The following AKAP6 variants were observed in gnomAD, a reference collection of about 807,000 sequenced individuals.
AKAP6 encodes A-kinase anchor protein 6.
In AKAP6, 58 loss-of-function variants were observed where a neutral mutation model predicts 188.5. That is an observed-to-expected ratio of 0.31 (90% CI 0.25 to 0.38). The LOEUF (loss-of-function observed/expected upper bound fraction) is 0.38, where lower values mean the gene tolerates loss of function less well. Among genes scored for constraint, AKAP6 ranks in the 10% least tolerant of loss-of-function variants. AKAP6 has a pLI of 1.00. For synonymous variants in AKAP6, 989 were observed against 998.6 expected, an observed-to-expected ratio of 0.99 and a Z score of 0.18; for missense variants, 2,710 against 2,740.0, an observed-to-expected ratio of 0.99 and a Z score of 0.24.
At chr14:32,460,929 C>G (rs1427053746) in intron 2 of AKAP6, among the ~76,000 whole-genome samples, 1 of 152,210 alleles carries the variant, frequency 6.6e-6, no homozygotes, top group Non-Finnish European at 1.5e-5. Context: ...CAGTTTTCCC[C>G]TGACAGTGCT....
chr14:32,446,086 G>T (rs1170320645), intron 2 of AKAP6, among the ~76,000 whole-genome samples: 1 of 152,026 alleles, frequency 6.6e-6, no homozygotes, highest in Non-Finnish European at 1.5e-5. Context: ...AAATTATGTT[G>T]GTTGATAACT....
At chr14:32,574,838 A>C (rs1884650103) in intron 4 of AKAP6, among the ~76,000 whole-genome samples, 1 of 152,212 alleles carries the variant, frequency 6.6e-6, no homozygotes, top group Non-Finnish European at 1.5e-5. Context: ...CAGATGACAG[A>C]CAATACTTCT....
chr14:32,806,928 C>T lies in AKAP6; in HGVS notation c.3589-14474C>T, dbSNP rs868681325. Among the ~76,000 whole-genome samples, 9 of 150,996 alleles carry T rather than the reference C, an allele frequency of 6.0e-5. No individual in the cohort carries two copies. The South Asian group carries it at 8.4e-4, about 14-fold the overall frequency. On this transcript the variant is annotated intron_variant, in intron 12 of 13. Transcript: ENST00000280979. The stretch of plus-strand genomic sequence containing the variant: ...TGTTGGCTGGGCATGGTGGCTCACA[C>T]TTGTAGTCCCAGCTACTTGGGAGGC...
intron 8 of AKAP6, among the ~76,000 whole-genome samples, chr14:32,684,553 G>T (rs755392310): frequency 5.3e-5 from 8 of 152,106 alleles, no homozygotes; most frequent in African/African-American, 9.7e-5. Flanking sequence ...ATTTTTAGGG[G>T]TAAGTCATGC....
chr14:32,393,151 A>G (rs1888765659), intron 1 of AKAP6, among the ~76,000 whole-genome samples: 1 of 152,114 alleles, frequency 6.6e-6, no homozygotes, highest in African/African-American at 2.4e-5. Context: ...TTTATGTTGG[A>G]TAAGCCTGGC....
intron 5 of AKAP6, among the ~76,000 whole-genome samples, chr14:32,578,558 G>A (rs947013015): frequency 6.6e-6 from 1 of 152,084 alleles, no homozygotes; most frequent in African/African-American, 2.4e-5. Flanking sequence ...AAGATATTCA[G>A]TGCTTTATGA....
chr14:32,602,985 A>G (rs968841908), intron 7 of AKAP6, among the ~76,000 whole-genome samples: 1 of 152,188 alleles, frequency 6.6e-6, no homozygotes, highest in Non-Finnish European at 1.5e-5. Flanking sequence ...AGTGTGAGCA[A>G]CAGATTTTAA....
chr14:32,696,141 C>T (rs777942786), intron 9 of AKAP6, 31 bp downstream of exon 9: 17 of 1,575,530 alleles, frequency 1.1e-5, no homozygotes, highest in Non-Finnish European at 2.6e-6. Context: ...CTTTACCTTG[C>T]TGTGGAAGAT....
chr14:32,471,026 T>C (rs1049880587), intron 2 of AKAP6, among the ~76,000 whole-genome samples: 1 of 152,242 alleles, frequency 6.6e-6, no homozygotes, highest in Non-Finnish European at 1.5e-5. Context: ...AATCTTTCAG[T>C]GAACTTAGGC....
intron 4 of AKAP6, among the ~76,000 whole-genome samples, chr14:32,574,109 C>G (rs979494): frequency 0.14 from 20,727 of 152,146 alleles, 2,974 homozygotes; most frequent in African/African-American, 0.37. Flanking sequence ...GAAGGGAGGT[C>G]GAAAGCTAGA....
chr14:32,569,226 G>A (rs1884349825), intron 4 of AKAP6, among the ~76,000 whole-genome samples: 1 of 152,010 alleles, frequency 6.6e-6, no homozygotes, highest in South Asian at 2.1e-4. Flanking sequence ...CCTTTATTCT[G>A]GAACAATTTT....
intron 2 of AKAP6, among the ~76,000 whole-genome samples, chr14:32,524,546 A>G (rs992426013): frequency 9.2e-5 from 14 of 152,222 alleles, no homozygotes; most frequent in African/African-American, 3.4e-4. Context: ...GATAAAGTGT[A>G]CAAAAAAGCA....
chr14:32,659,846 T>TA (rs1888609748), intron 7 of AKAP6, among the ~76,000 whole-genome samples: 2 of 152,138 alleles, frequency 1.3e-5, no homozygotes, highest in Non-Finnish European at 2.9e-5. Context: ...TCTGATAACT[T>TA]ACCATCAGTC....
At chr14:32,781,602 T>C (rs2033252786) in intron 12 of AKAP6, among the ~76,000 whole-genome samples, 1 of 152,080 alleles carries the variant, frequency 6.6e-6, no homozygotes, top group Non-Finnish European at 1.5e-5. Context: ...AAAAAGGCAA[T>C]ACAAGAAAAC....
chr14:32,395,898 G>A (rs979312021), intron 1 of AKAP6, among the ~76,000 whole-genome samples: 4 of 152,128 alleles, frequency 2.6e-5, no homozygotes, highest in Admixed American at 6.5e-5. Flanking sequence ...TAGAGATGAG[G>A]ACCCACTGTT....
Position 32,415,849 on chromosome 14 carries a change from T to C in AKAP6, c.-34-17611T>C, listed in dbSNP as rs146246929. On this transcript the variant is annotated intron_variant, in intron 1 of 13. Transcript: ENST00000280979. ...ATGTCCTCAAGGTTCATCCATGTTA[T>C]AGACTATATCAGATTTTCCTTCCTT... 2.8e-3 allele frequency among the ~76,000 whole-genome samples: 421 copies of C among 152,330 alleles called. 1 individual carries two copies. The highest frequency in any genetic ancestry group is 5.0e-3 in the Non-Finnish European group (342 of 68,024).
At chr14:32,709,175 T>G (rs902101935) in intron 9 of AKAP6, among the ~76,000 whole-genome samples, 1 of 152,040 alleles carries the variant, frequency 6.6e-6, no homozygotes, top group Admixed American at 6.6e-5. Context: ...GTCAGAAGCC[T>G]TTTCTGTTTA....
chr14:32,594,227 A>G (rs1174108589), intron 5 of AKAP6, among the ~76,000 whole-genome samples: 1 of 152,230 alleles, frequency 6.6e-6, no homozygotes, highest in Non-Finnish European at 1.5e-5. Context: ...AACTTGTTCC[A>G]TAAGATCAGA....
Position 32,600,727 on chromosome 14 carries a change from A to G in AKAP6, c.2665A>G (p.Ile889Val), listed in dbSNP as rs199679558. 12 of 1,613,466 alleles carry G rather than the reference A, an allele frequency of 7.4e-6. No homozygotes were observed. The highest frequency in any genetic ancestry group is 9.3e-6 in the Non-Finnish European group (11 of 1,179,798). The change falls in exon 7 of 14, where the codon ATC becomes GTC. Residue 889 changes from isoleucine to valine, a missense_variant. Transcript: ENST00000280979. Reference sequence around the variant, plus strand: ...CTGGATTCTCAGGGCTCTGGATACCATCAAAGCCGAGATACTGGCTACTGA... The same window carrying G: ...CTGGATTCTCAGGGCTCTGGATACCGTCAAAGCCGAGATACTGGCTACTGA... ...HSWILRALDT[I>V]KAEILATDVS...
Sources: allele counts gnomAD v4.1 joint callset (sites outside exome capture counted in the v4.1 genomes callset), GRCh38; gene constraint gnomAD v4.1.1; transcripts MANE v1.5; gene names NCBI Gene and HGNC (gene_info 2026-07-23, HGNC 2026-07-21).